The following HEATR5A variants were observed in gnomAD, a reference collection of about 807,000 sequenced individuals.
HEATR5A encodes the protein HEAT repeat containing 5A.
A neutral mutation model predicts 218.8 loss-of-function variants in HEATR5A; 178 were observed. The ratio of observed to expected loss-of-function variants is 0.81; its 90% CI spans 0.72 to 0.92. HEATR5A has a LOEUF of 0.92. Among genes scored for constraint, HEATR5A ranks in the 40% least tolerant of loss-of-function variants. HEATR5A has a pLI of 0.00. For synonymous variants in HEATR5A, 864 were observed against 871.6 expected, an observed-to-expected ratio of 0.99 and a Z score of 0.15; for missense variants, 2,420 against 2,418.9, an observed-to-expected ratio of 1.00 and a Z score of -0.01.
chr14:31,364,131 T>C (rs1246306579), intron 14 of HEATR5A, 58 bp downstream of exon 14: 27 of 681,518 alleles, frequency 4.0e-5, no homozygotes, highest in Non-Finnish European at 6.7e-5. Context: ...ACAATAACTA[T>C]TGTTCCAGAA....
intron 7 of HEATR5A, among the ~76,000 whole-genome samples, chr14:31,387,598 C>A (rs1250566353): frequency 1.4e-5 from 2 of 147,398 alleles, no homozygotes; most frequent in Non-Finnish European, 3.0e-5. Flanking sequence ...CTCGCTCTGT[C>A]ACCCAGGCTG....
chr14:31,346,961 G>A (rs139103164), intron 19 of HEATR5A, among the ~76,000 whole-genome samples: 1 of 152,132 alleles, frequency 6.6e-6, no homozygotes, highest in African/African-American at 2.4e-5. Context: ...ATGGTAAAGT[G>A]GTTAAGAACA....
intron 1 of HEATR5A, among the ~76,000 whole-genome samples, chr14:31,414,956 TCA>T (rs775117778): frequency 5.9e-5 from 9 of 152,160 alleles, no homozygotes; most frequent in Non-Finnish European, 1.2e-4. Flanking sequence ...TTTTCCTGCC[TCA>T]GTCTCCTGAG....
chr14:31,355,679 G>A (rs1901401462), intron 16 of HEATR5A, among the ~76,000 whole-genome samples: 1 of 151,992 alleles, frequency 6.6e-6, no homozygotes, highest in Non-Finnish European at 1.5e-5. Context: ...ATGTTGCAGT[G>A]AGCCACCGCA....
At chr14:31,416,933 C>A (rs1301075732) in intron 1 of HEATR5A, among the ~76,000 whole-genome samples, 5 of 152,056 alleles carry the variant, frequency 3.3e-5, no homozygotes, top group Non-Finnish European at 7.4e-5. Flanking sequence ...AAAACCGCCT[C>A]TCTACAAAAA....
chr14:31,313,091 C>G lies in HEATR5A; in HGVS notation c.4318G>C (p.Asp1440His). 6.2e-7 allele frequency: 1 copy of G among 1,613,766 alleles called. No homozygotes were observed. Among genetic ancestry groups the G allele is most frequent in the Non-Finnish European group, 8.5e-7 (1 of 1,179,718 alleles). The change falls in exon 28 of 36, where the codon GAT becomes CAT. Residue 1440 changes from aspartate (D) to histidine (H), a missense_variant. Asp to His is a moderately conservative substitution (Grantham distance 81). Transcript: ENST00000543095. ...DGIRNGSCSSDGLLDLVYADL... is the reference protein window; with the variant it reads ...DGIRNGSCSSHGLLDLVYADL... Reference sequence around the variant, plus strand: ...GCATAGACTAAGTCAAGCAGTCCATCTGATGAACATGATCCATTTCTGATA... The same window carrying G: ...GCATAGACTAAGTCAAGCAGTCCATGTGATGAACATGATCCATTTCTGATA...
At chr14:31,334,986 C>T (rs1216032988) in intron 22 of HEATR5A, among the ~76,000 whole-genome samples, 2 of 151,466 alleles carry the variant, frequency 1.3e-5, no homozygotes, top group African/African-American at 4.8e-5. Context: ...TCGCCACAGC[C>T]ACCCCCTCAA....
At chr14:31,328,790 G>T (rs905063743) in intron 22 of HEATR5A, among the ~76,000 whole-genome samples, 6 of 151,826 alleles carry the variant, frequency 4.0e-5, no homozygotes, top group Non-Finnish European at 8.8e-5. Context: ...TGAGGCAGGA[G>T]AATCGCTTGA....
chr14:31,338,986 G>C (rs1900752460), intron 21 of HEATR5A, among the ~76,000 whole-genome samples: 1 of 151,842 alleles, frequency 6.6e-6, no homozygotes, highest in Non-Finnish European at 1.5e-5. Flanking sequence ...CGGGCATGGT[G>C]GCAGGTGTCT....
chr14:31,297,929 C>T (rs1001235507), intron 33 of HEATR5A, among the ~76,000 whole-genome samples: 4 of 152,098 alleles, frequency 2.6e-5, no homozygotes, highest in Non-Finnish European at 5.9e-5. Context: ...TTTTAACCAC[C>T]TATAGCAACT....
In HEATR5A at chr14:31,318,281, C is replaced by T. The variant is rs17097809; in HGVS notation, c.3981G>A (p.Ala1327=). 7.2e-4 allele frequency: 1,167 copies of T among 1,613,548 alleles called. 18 individuals carry two copies. In the African/African-American group the frequency reaches 0.013, roughly 18 times the overall value. ...TCTCTGAAGTGAAGGCTGGTCTAAG[C>T]GCTGCTCCTACCTGGCAAGAAATTA... is the stretch of plus-strand genomic sequence containing the variant. ...LEQYQANVGA[A]LRPAFTSETP... is the part of the protein sequence containing the mutation. The change falls in exon 26 of 36, where the codon GCG becomes GCA. Residue 1327 remains alanine (A), a synonymous_variant. Transcript: ENST00000543095.
intron 22 of HEATR5A, among the ~76,000 whole-genome samples, chr14:31,333,604 T>C (rs1900550477): frequency 6.6e-6 from 1 of 152,196 alleles, no homozygotes; most frequent in Non-Finnish European, 1.5e-5. Context: ...CATCTGGGAC[T>C]TTCATAGCTA....
chr14:31,317,763 A>G (rs1004736203), intron 26 of HEATR5A, among the ~76,000 whole-genome samples: 2 of 152,252 alleles, frequency 1.3e-5, no homozygotes, highest in African/African-American at 4.8e-5. Flanking sequence ...ACAAAAATGT[A>G]AAAGTTTGAT....
At chr14:31,399,117 A>G (rs1054379323) in intron 3 of HEATR5A, among the ~76,000 whole-genome samples, 6 of 152,240 alleles carry the variant, frequency 3.9e-5, no homozygotes, top group African/African-American at 1.4e-4. Context: ...ATGGTGTAAC[A>G]GAAGAGTCCA....
chr14:31,403,059 A>ATTATTTTCCTGTATT lies in HEATR5A; in HGVS notation c.-74-11_-74-10insAATACAGGAAAATAA. On this transcript the variant is annotated splice_polypyrimidine_tract_variant and intron_variant, in intron 1 of 35. Coordinates refer to ENST00000543095, the MANE Select transcript of HEATR5A (RefSeq NM_015473.4). ...ACCTAACAATAAAAATCTGCAATAC[A>ATTATTTTCCTGTATT]GGAAAATAATGTATTTTAAAAGGGG... 1.6e-6 allele frequency: 2 copies of ATTATTTTCCTGTATT among 1,260,276 alleles called. No individual in the cohort carries two copies. The highest frequency in any genetic ancestry group is 2.1e-6 in the Non-Finnish European group (2 of 941,334). The allele number at this position is 1,260,276 out of a possible 1,614,324, so 78.1% of individuals were successfully genotyped here. A position where few individuals can be genotyped will look rare whatever the true frequency, so the allele number is the denominator to read the frequency against.
At chr14:31,351,020 A>G (rs1901207520) in intron 16 of HEATR5A, among the ~76,000 whole-genome samples, 1 of 152,154 alleles carries the variant, frequency 6.6e-6, no homozygotes, top group Admixed American at 6.5e-5. Flanking sequence ...ATCTCAAGTG[A>G]TCCGCCCACC....
At chr14:31,322,303 A>G (rs912045918) in intron 24 of HEATR5A, among the ~76,000 whole-genome samples, 2 of 152,250 alleles carry the variant, frequency 1.3e-5, no homozygotes, top group African/African-American at 4.8e-5. Flanking sequence ...GTAAATGCCA[A>G]CTACAACTTT....
intron 25 of HEATR5A, chr14:31,320,246 AAGG>A (rs1463875414): frequency 1.0e-5 from 7 of 688,228 alleles, no homozygotes; most frequent in Admixed American, 5.3e-5. Flanking sequence ...CAGGATGAAG[AAGG>A]AGATCATCAA....
intron 13 of HEATR5A, among the ~76,000 whole-genome samples, chr14:31,367,569 ATTTTTTTTTT>A (rs567217496): frequency 3.3e-5 from 2 of 60,296 alleles, no homozygotes; most frequent in African/African-American, 7.4e-5. Flanking sequence ...TGCCCAGCTA[ATTTTTTTTTT>A]TTTTTTTTTT....
Sources: gnomAD v4.1 joint callset for allele counts (sites outside exome capture counted in the v4.1 genomes callset) on GRCh38, gnomAD v4.1.1 for gene constraint, MANE v1.5 for transcripts, NCBI Gene and HGNC (gene_info 2026-07-23, HGNC 2026-07-21) for gene names.